The following HPS5 variants were observed in gnomAD, a reference collection of about 807,000 sequenced individuals.
HPS5 encodes HPS5 biogenesis of lysosomal organelles complex 2 subunit 2, also known as BLOC-2 complex member HPS5.
HPS5 carries 83 observed loss-of-function variants against 128.0 expected under a neutral mutation model. The observed-to-expected ratio is 0.65, with a 90% confidence interval of 0.54 to 0.78. The LOEUF (loss-of-function observed/expected upper bound fraction) is 0.78, where lower values mean the gene tolerates loss of function less well. Ranked by LOEUF, HPS5 falls within the 30% of genes least tolerant of loss-of-function variation. The probability of loss-of-function intolerance (pLI) is 0.00; values close to 1 mark genes in which losing one functional copy is unlikely to be tolerated. For missense variants in HPS5, 1,281 were observed against 1,326.2 expected (o/e 0.97, Z 0.53); for synonymous variants, 475 against 470.2 (o/e 1.01, Z -0.13).
intron 2 of HPS5, 145 bp downstream of exon 2, chr11:18,317,606 T>G (rs1440415351): frequency 2.5e-6 from 2 of 809,892 alleles, no homozygotes; most frequent in East Asian, 5.3e-5. Context: ...AAAGTTTATT[T>G]TCTTCTTTTT....
Position 18,296,114 on chromosome 11 carries a change from A to G in HPS5, c.1519T>C (p.Ser507Pro), listed in dbSNP as rs1285136200. 1 of 1,613,412 alleles carries G rather than the reference A, an allele frequency of 6.2e-7. No individual in the cohort carries two copies. Among genetic ancestry groups the G allele is most frequent in the Non-Finnish European group, 8.5e-7 (1 of 1,179,430 alleles). ...GTCTCAAACATCACTGGAGCATGAG[A>G]AACATTGTCTAATGAATGGAATCAG... Reference protein sequence around the residue: ...CGSHGNEDNVSHAPVMFETDK... With the variant: ...CGSHGNEDNVPHAPVMFETDK... Residue 507 changes from serine (S) to proline (P), a missense_variant, in exon 13 of 23, where the codon TCT becomes CCT. Ser to Pro is a moderately conservative substitution (Grantham distance 74). Transcript: ENST00000349215.
At chr11:18,280,368 A>G (rs75268115) in intron 22 of HPS5, 61,126 of 565,216 alleles carry the variant, frequency 0.11, 3,665 homozygotes, top group African/African-American at 0.17. Context: ...TGTTTAACAA[A>G]AAACAACAAC....
At chr11:18,286,827 G>C (rs1335604816) in intron 18 of HPS5, 117 bp from the exon 19 acceptor site, 1 of 1,311,748 alleles carries the variant, frequency 7.6e-7, no homozygotes, top group African/African-American at 1.5e-5. Context: ...GAAATAACTT[G>C]AAAACTCTTC....
At chr11:18,291,394 GT>G (rs1269731378) in intron 16 of HPS5, 47 bp downstream of exon 16, 1 of 1,265,762 alleles carries the variant, frequency 7.9e-7, no homozygotes, top group East Asian at 2.4e-5. Flanking sequence ...AACTGCTAAT[GT>G]TTTTTAATAC....
intron 16 of HPS5, among the ~76,000 whole-genome samples, chr11:18,289,429 T>A (rs1860134592): frequency 6.6e-6 from 1 of 152,176 alleles, no homozygotes; most frequent in Non-Finnish European, 1.5e-5. Flanking sequence ...TGATGGAGAC[T>A]CTTTTCTGCT....
rs200836825 is a variant in HPS5 at position 18,292,975 on chromosome 11, C to T, written c.1786G>A (p.Glu596Lys). 1.4e-4 allele frequency: 219 copies of T among 1,613,352 alleles called. No individual in the cohort carries two copies. The highest frequency in any genetic ancestry group is 1.2e-4 in the Non-Finnish European group (141 of 1,179,350). Residue 596 changes from glutamate to lysine, a missense_variant and splice_region_variant, in exon 15 of 23, where the codon GAG becomes AAG. Glu to Lys is a moderately conservative substitution (Grantham distance 56, BLOSUM62 1). Transcript: ENST00000349215. ...GGTGGACTAGTTACCTCTTTTTCCT[C>T]CCTAAAAAAGTGTGCAAAATAACAA... ...DTCPKEEDTE[E>K]EKEVTSPPPE...
intron 21 of HPS5, among the ~76,000 whole-genome samples, chr11:18,283,134 TG>T (rs1859237953): frequency 6.6e-6 from 1 of 152,068 alleles, no homozygotes; most frequent in Non-Finnish European, 1.5e-5. Context: ...CTCAAGTAGC[TG>T]GGATTACAAG....
In HPS5 at chr11:18,287,524, C is replaced by G. The variant is rs1859890360; in HGVS notation, c.2717+11G>C. 5.0e-6 allele frequency: 8 copies of G among 1,613,900 alleles called. No homozygotes were observed. Among genetic ancestry groups the G allele is most frequent in the Non-Finnish European group, 6.8e-6 (8 of 1,179,918 alleles). ...AGAAAGGAGAGTCTGCAAATATGCT[C>G]TCCTTCTCACCGCTGATCTTCAGGC... On this transcript the variant is annotated intron_variant, in intron 18 of 22. Transcript: ENST00000349215.
At chr11:18,281,511 T>C (rs1207545637) in intron 22 of HPS5, among the ~76,000 whole-genome samples, 1 of 152,094 alleles carries the variant, frequency 6.6e-6, no homozygotes, top group African/African-American at 2.4e-5. Flanking sequence ...GCGATTCTCC[T>C]GCCTCAGCCT....
chr11:18,295,239 T>G (rs963322899), intron 13 of HPS5, 70 bp from the exon 14 acceptor site: 1 of 1,496,220 alleles, frequency 6.7e-7, no homozygotes, highest in Non-Finnish European at 9.1e-7. Flanking sequence ...GTTTTCATTC[T>G]TCAGTTTTCT....
chr11:18,297,498 A>G, intron 11 of HPS5, 61 bp downstream of exon 11: 1 of 1,512,666 alleles, frequency 6.6e-7, no homozygotes, highest in Middle Eastern at 2.3e-4. Context: ...GAGGTAAATA[A>G]GAACAACCGA....
intron 9 of HPS5, 142 bp downstream of exon 9, chr11:18,300,684 AAG>A (rs1363269374): frequency 3.9e-5 from 22 of 570,016 alleles, no homozygotes; most frequent in Non-Finnish European, 6.8e-5. Context: ...GTGACAGAGC[AAG>A]ACTTAGTCTC....
chr11:18,280,892 G>A (rs910649604), intron 22 of HPS5, among the ~76,000 whole-genome samples: 3 of 151,894 alleles, frequency 2.0e-5, no homozygotes, highest in Non-Finnish European at 4.4e-5. Flanking sequence ...GGTAGAGGAA[G>A]TAAGTTGCTG....
intron 9 of HPS5, among the ~76,000 whole-genome samples, 163 bp from the exon 10 acceptor site, chr11:18,299,133 T>G (rs1861418442): frequency 6.6e-6 from 1 of 152,218 alleles, no homozygotes; most frequent in African/African-American, 2.4e-5. Flanking sequence ...GAAATCATAT[T>G]TTAGAAACTA....
At chr11:18,292,442 C>T (rs1284120187) in intron 15 of HPS5, among the ~76,000 whole-genome samples, 2 of 152,148 alleles carry the variant, frequency 1.3e-5, no homozygotes, top group Admixed American at 1.3e-4. Context: ...GATCCGCCCA[C>T]CTCAGCCTTT....
intron 6 of HPS5, among the ~76,000 whole-genome samples, chr11:18,307,307 C>A (rs1032237033): frequency 2.0e-5 from 3 of 152,130 alleles, no homozygotes; most frequent in African/African-American, 7.2e-5. Flanking sequence ...TCAGATAATT[C>A]AATAACTACT....
Position 18,296,838 on chromosome 11 carries a change from C to G in HPS5, c.1470G>C (p.Glu490Asp), listed in dbSNP as rs2134334989. The G allele has an allele frequency of 1.2e-6, 2 of 1,614,060 alleles. No individual in the cohort carries two copies. Among genetic ancestry groups the G allele is most frequent in the South Asian group, 1.1e-5 (1 of 91,074 alleles). ...AGCCACAACACTGATCTGGCAGGTC[C>G]TCTTCCTGCTGTGAGGTGAATTCTT... ...RFKEFTSQQEEDLPDQCCGSH... is the reference protein window; with the variant it reads ...RFKEFTSQQEDDLPDQCCGSH... Residue 490 changes from glutamate (E) to aspartate (D), a missense_variant, in exon 12 of 23, where the codon GAG becomes GAC. Transcript: ENST00000349215.
At chr11:18,297,089 A>G in intron 11 of HPS5, 105 bp from the exon 12 acceptor site, 1 of 805,180 alleles carries the variant, frequency 1.2e-6, no homozygotes. Context: ...AAAGTTAATA[A>G]CAACCATTAT....
intron 1 of HPS5, among the ~76,000 whole-genome samples, chr11:18,320,797 C>T (rs976933684): frequency 6.6e-6 from 1 of 152,166 alleles, no homozygotes. Context: ...ACACTAACTT[C>T]CTGGATCTAG....
Sources: allele counts gnomAD v4.1 joint callset (sites outside exome capture counted in the v4.1 genomes callset), GRCh38; gene constraint gnomAD v4.1.1; transcripts MANE v1.5; gene names NCBI Gene and HGNC (gene_info 2026-07-23, HGNC 2026-07-21).